Variants in USH2A observed in about 807,000 individuals in gnomAD.
The protein encoded by USH2A is usherin.
USH2A carries 443 observed loss-of-function variants against 538.9 expected under a neutral mutation model. The observed-to-expected ratio is 0.82, with a 90% CI of 0.76 to 0.89. The LOEUF (loss-of-function observed/expected upper bound fraction) is 0.89, where lower values mean the gene tolerates loss of function less well. USH2A is among the 40% of genes least tolerant of loss of function. USH2A has a pLI of 0.00. For synonymous variants in USH2A, 2,413 were observed against 2,273.5 expected (o/e 1.06, Z -1.75); for missense variants, 6,633 against 6,324.8 (o/e 1.05, Z -1.65).
intron 32 of USH2A, among the ~76,000 whole-genome samples, chr1:216,043,398 T>A (rs992009308): frequency 1.3e-5 from 2 of 152,058 alleles, no homozygotes; most frequent in Non-Finnish European, 2.9e-5. Context: ...AGGAACATAG[T>A]TGCTTATGAA....
intron 38 of USH2A, among the ~76,000 whole-genome samples, chr1:215,931,439 T>C (rs1393729319): frequency 6.6e-6 from 1 of 151,922 alleles, no homozygotes; most frequent in African/African-American, 2.4e-5. Context: ...GTAACCACTA[T>C]AGGGAAGAAT....
intron 3 of USH2A, among the ~76,000 whole-genome samples, chr1:216,375,688 C>T (rs116053394): frequency 2.0e-3 from 307 of 152,152 alleles, no homozygotes; most frequent in African/African-American, 7.1e-3. Context: ...AAGAAATTTT[C>T]CTTTGCATTC....
In USH2A at chr1:216,199,776, T is replaced by A; in HGVS notation, c.3662A>T (p.Gln1221Leu). The A allele has an allele frequency of 6.2e-7, 1 of 1,614,148 alleles. No individual in the cohort carries two copies. The highest frequency in any genetic ancestry group is 1.1e-5 in the South Asian group (1 of 91,092). ...VPFAKYDFSV[Q>L]ACTSGGCLHS... ...TAAACAGCCCCCGCTAGTACACGCC[T>A]GTACAGAAAAATCGTACTTGGCAAA... Residue 1221 changes from glutamine (Q) to leucine (L), a missense_variant, in exon 17 of 72, where the codon CAG becomes CTG. Transcript: ENST00000307340.
At chr1:215,941,939 G>A (rs1303429857) in intron 37 of USH2A, among the ~76,000 whole-genome samples, 2 of 152,084 alleles carry the variant, frequency 1.3e-5, no homozygotes, top group African/African-American at 4.8e-5. Flanking sequence ...GATGTGTCAT[G>A]GTATCACCAC....
At chr1:215,903,623 G>C (rs780327578) in intron 38 of USH2A, among the ~76,000 whole-genome samples, 8 of 152,070 alleles carry the variant, frequency 5.3e-5, no homozygotes, top group Admixed American at 2.6e-4. Context: ...AGCAGGGATA[G>C]TTCTCCCATT....
chr1:216,192,487 T>G (rs998127952), intron 19 of USH2A, among the ~76,000 whole-genome samples: 1 of 150,600 alleles, frequency 6.6e-6, no homozygotes, highest in African/African-American at 2.4e-5. Context: ...AGGCTAGGGG[T>G]TCAAGACCAA....
intron 24 of USH2A, 53 bp from the exon 25 acceptor site, chr1:216,084,930 A>C: frequency 6.3e-7 from 1 of 1,577,556 alleles, no homozygotes; most frequent in Non-Finnish European, 8.7e-7. Context: ...ATTATTTTCA[A>C]GCAATTAATT....
chr1:216,333,833 T>C (rs1571712159), intron 4 of USH2A, among the ~76,000 whole-genome samples: 1 of 152,050 alleles, frequency 6.6e-6, no homozygotes, highest in Non-Finnish European at 1.5e-5. Flanking sequence ...AAAAAAAAAC[T>C]GTACACCAAA....
At chr1:216,348,904 C>A (rs938675222) in intron 4 of USH2A, among the ~76,000 whole-genome samples, 1 of 152,000 alleles carries the variant, frequency 6.6e-6, no homozygotes, top group African/African-American at 2.4e-5. Context: ...AAATCTGGAT[C>A]AATATTCTAA....
intron 27 of USH2A, among the ~76,000 whole-genome samples, chr1:216,074,726 T>C (rs2031690929): frequency 6.6e-6 from 1 of 152,218 alleles, no homozygotes; most frequent in Admixed American, 6.5e-5. Context: ...CTAAGAATTT[T>C]AATGTATTTA....
intron 11 of USH2A, among the ~76,000 whole-genome samples, chr1:216,288,924 T>G (rs1398072377): frequency 6.6e-6 from 1 of 152,224 alleles, no homozygotes; most frequent in Non-Finnish European, 1.5e-5. Flanking sequence ...TATATGATCT[T>G]CTATGGAATT....
intron 32 of USH2A, among the ~76,000 whole-genome samples, chr1:216,036,570 T>A (rs79370944): frequency 6.6e-6 from 1 of 152,148 alleles, no homozygotes; most frequent in African/African-American, 2.4e-5. Context: ...AACTTTATGG[T>A]CACACAACAT....
intron 34 of USH2A, 61 bp from the exon 35 acceptor site, chr1:215,993,228 G>C: frequency 6.2e-7 from 1 of 1,612,248 alleles, no homozygotes; most frequent in Non-Finnish European, 8.5e-7. Flanking sequence ...CATGAACATT[G>C]AGGAAAGAGA....
At chr1:216,101,635 G>GA (rs765193249) in intron 21 of USH2A, among the ~76,000 whole-genome samples, 45 of 152,198 alleles carry the variant, frequency 3.0e-4, no homozygotes, top group Non-Finnish European at 8.8e-5. Flanking sequence ...GTGTTAAGCT[G>GA]AAACACTGAC....
chr1:215,624,766 TATATACATG>T lies in USH2A; in HGVS notation c.*1006_*1014del, dbSNP rs754231665. On this transcript the variant is annotated 3_prime_UTR_variant, in exon 72 of 72. Coordinates refer to ENST00000307340, the MANE Select transcript of USH2A (RefSeq NM_206933.4). ...AAAGAAGGGATATAGTGCAGAGTAA[TATATACATG>T]ATATACATATATATACACATAGGTA... The T allele has an allele frequency of 9.2e-5, 14 of 152,268 alleles. No homozygotes were observed. The highest frequency in any genetic ancestry group is 4.1e-4 in the South Asian group (2 of 4,830). The allele number at this position is 152,268 out of a possible 1,614,324, so 9.4% of individuals were successfully genotyped here.
intron 4 of USH2A, among the ~76,000 whole-genome samples, chr1:216,348,646 G>T (rs1320766172): frequency 6.6e-6 from 1 of 152,072 alleles, no homozygotes; most frequent in Non-Finnish European, 1.5e-5. Flanking sequence ...ATCAGGCCAA[G>T]TATAAGACTA....
chr1:216,053,454 CT>C (rs34981846), intron 30 of USH2A, among the ~76,000 whole-genome samples: 40,605 of 111,032 alleles, frequency 0.37, 5,068 homozygotes, highest in East Asian at 0.42. Context: ...CCAGAGAAGT[CT>C]TTTTTTTTTT....
chr1:216,400,436 C>T (rs749348910), intron 3 of USH2A, among the ~76,000 whole-genome samples: 2 of 148,276 alleles, frequency 1.3e-5, no homozygotes, highest in Non-Finnish European at 3.0e-5. Context: ...GCTTCAAGAA[C>T]CAGTGAGTTA....
chr1:215,937,629 T>C (rs1666538105), intron 37 of USH2A, among the ~76,000 whole-genome samples: 1 of 152,162 alleles, frequency 6.6e-6, no homozygotes, highest in Non-Finnish European at 1.5e-5. Flanking sequence ...GAAGTATTTC[T>C]GCTGTCATTA....
Sources: gnomAD v4.1 joint callset for allele counts (sites outside exome capture counted in the v4.1 genomes callset) on GRCh38, gnomAD v4.1.1 for gene constraint, MANE v1.5 for transcripts, NCBI Gene and HGNC (gene_info 2026-07-23, HGNC 2026-07-21) for gene names.